Variants in SYT1 observed in about 807,000 individuals in gnomAD.
The protein encoded by SYT1 is synaptotagmin-1.
Under a neutral mutation model 44.8 loss-of-function variants are expected in SYT1, and 8 were observed. The observed-to-expected ratio is 0.18, with a 90% CI of 0.10 to 0.32. The LOEUF (loss-of-function observed/expected upper bound fraction) is 0.32, where lower values mean the gene tolerates loss of function less well. Ranked by LOEUF, SYT1 falls within the 10% of genes least tolerant of loss-of-function variation. The probability of loss-of-function intolerance (pLI) is 1.00; values close to 1 mark genes in which losing one functional copy is unlikely to be tolerated. For synonymous variants in SYT1, 154 were observed against 188.8 expected (o/e 0.82, Z 1.51); for missense variants, 286 against 509.3 (o/e 0.56, Z 4.22).
intron 2 of SYT1, among the ~76,000 whole-genome samples, chr12:78,986,659 C>A (rs1227443726): frequency 2.6e-5 from 4 of 151,960 alleles, no homozygotes; most frequent in Non-Finnish European, 5.9e-5. Flanking sequence ...AAAGGCTTTT[C>A]ATTCATGTCC....
In SYT1 at chr12:79,024,930, T is replaced by C. The variant is rs1454613986; in HGVS notation, c.-83-22367T>C. Reference sequence around the variant, plus strand: ...TTTTAAATATTTTCAGGATAGCAGGTACTTTATGCTGCATTTATTGTGACC... The same window carrying C: ...TTTTAAATATTTTCAGGATAGCAGGCACTTTATGCTGCATTTATTGTGACC... On this transcript the variant is annotated intron_variant, in intron 2 of 10. Coordinates refer to ENST00000261205, the MANE Select transcript of SYT1 (RefSeq NM_005639.3). 2.6e-5 allele frequency among the ~76,000 whole-genome samples: 4 copies of C among 151,818 alleles called. No homozygotes were observed. The East Asian group carries it at 7.8e-4, about 29-fold the overall frequency.
At chr12:78,866,385 T>C (rs1380293978) in intron 1 of SYT1, among the ~76,000 whole-genome samples, 7 of 152,184 alleles carry the variant, frequency 4.6e-5, no homozygotes, top group Admixed American at 4.6e-4. Context: ...TAGAAAGTAA[T>C]GCTAGAAAGA....
chr12:79,090,441 T>A (rs183339214), intron 3 of SYT1, among the ~76,000 whole-genome samples: 196 of 152,096 alleles, frequency 1.3e-3, no homozygotes, highest in African/African-American at 4.5e-3. Flanking sequence ...TCAAAACACC[T>A]CTCACACTTT....
chr12:79,158,610 A>G (rs1311413975), intron 3 of SYT1, among the ~76,000 whole-genome samples: 1 of 152,006 alleles, frequency 6.6e-6, no homozygotes, highest in Non-Finnish European at 1.5e-5. Context: ...ATAATAGATG[A>G]TAAAAGGCCA....
At chr12:79,168,634 TC>T (rs1871344239) in intron 3 of SYT1, among the ~76,000 whole-genome samples, 2 of 152,058 alleles carry the variant, frequency 1.3e-5, no homozygotes, top group African/African-American at 4.8e-5. Context: ...GAGGTCTTTT[TC>T]ATGAAATGTT....
At chr12:79,015,278 A>C (rs1871731624) in intron 2 of SYT1, among the ~76,000 whole-genome samples, 1 of 152,180 alleles carries the variant, frequency 6.6e-6, no homozygotes. Context: ...GTAAGTTAAA[A>C]GTTTCAAAGC....
chr12:79,364,272 T>C (rs1883447936), intron 9 of SYT1, among the ~76,000 whole-genome samples: 1 of 144,420 alleles, frequency 6.9e-6, no homozygotes, highest in African/African-American at 2.6e-5. Context: ...AAACAGACTA[T>C]CTCCAAGAGA....
intron 9 of SYT1, among the ~76,000 whole-genome samples, chr12:79,371,064 T>G (rs982274021): frequency 6.6e-6 from 1 of 152,230 alleles, no homozygotes; most frequent in Non-Finnish European, 1.5e-5. Flanking sequence ...ATCTAGTCAG[T>G]GCTTTCTCTG....
Position 79,228,863 on chromosome 12 carries a change from A to G in SYT1, c.166+11178A>G, listed in dbSNP as rs74107367. ...TTCCCCTTCCCCAGTACCCTAATAC[A>G]TTGTTGGGGTTTTTTTTGCCATTCA... On this transcript the variant is annotated intron_variant, in intron 4 of 10. Transcript: ENST00000261205. Among the ~76,000 whole-genome samples, 254 of 152,056 alleles carry G rather than the reference A, an allele frequency of 1.7e-3. 1 individual carries two copies. Among genetic ancestry groups the G allele is most frequent in the African/African-American group, 6.0e-3 (247 of 41,464 alleles).
chr12:78,982,757 T>G (rs1869357868), intron 2 of SYT1, among the ~76,000 whole-genome samples: 1 of 152,184 alleles, frequency 6.6e-6, no homozygotes, highest in Non-Finnish European at 1.5e-5. Context: ...TATATCATAG[T>G]TATACTCACA....
chr12:78,910,424 G>T (rs1017205673), intron 1 of SYT1, among the ~76,000 whole-genome samples: 5 of 151,790 alleles, frequency 3.3e-5, no homozygotes, highest in African/African-American at 1.2e-4. Context: ...TAGACTCTAG[G>T]ACTCAAATAA....
At chr12:79,154,792 A>G (rs1870493934) in intron 3 of SYT1, among the ~76,000 whole-genome samples, 2 of 152,174 alleles carry the variant, frequency 1.3e-5, no homozygotes, top group South Asian at 2.1e-4. Flanking sequence ...AGGGAAAAGC[A>G]TATGGACTTG....
intron 4 of SYT1, among the ~76,000 whole-genome samples, chr12:79,249,614 G>C (rs1394359503): frequency 6.6e-6 from 1 of 152,164 alleles, no homozygotes; most frequent in Non-Finnish European, 1.5e-5. Context: ...CCAGAAGTTA[G>C]TGCTAAGTAC....
At chr12:79,201,916 T>C (rs542939115) in intron 3 of SYT1, among the ~76,000 whole-genome samples, 155 of 152,300 alleles carry the variant, frequency 1.0e-3, no homozygotes, top group Non-Finnish European at 1.3e-3. Flanking sequence ...AATGTCATAA[T>C]ATCAAATTAT....
chr12:79,103,890 C>T (rs976275720), intron 3 of SYT1, among the ~76,000 whole-genome samples: 2 of 152,104 alleles, frequency 1.3e-5, no homozygotes, highest in African/African-American at 4.8e-5. Flanking sequence ...ACCAGCAGTG[C>T]AACCTTACCC....
chr12:79,324,266 A>C (rs1408777759), intron 8 of SYT1, among the ~76,000 whole-genome samples: 1 of 152,136 alleles, frequency 6.6e-6, no homozygotes, highest in Non-Finnish European at 1.5e-5. Flanking sequence ...CATTTTCAAT[A>C]TACAAAAATA....
chr12:78,960,842 A>G, intron 1 of SYT1: 1 of 152,174 alleles, frequency 6.6e-6, no homozygotes, highest in East Asian at 1.9e-4. Context: ...TTGAATTGCA[A>G]GAATGTCTAT....
chr12:79,369,456 G>A (rs1470088657), intron 9 of SYT1, among the ~76,000 whole-genome samples: 1 of 152,160 alleles, frequency 6.6e-6, no homozygotes, highest in African/African-American at 2.4e-5. Context: ...GGGTGACAAA[G>A]CGAGACTCTG....
chr12:79,285,635 C>A, intron 4 of SYT1, 152 bp from the exon 5 acceptor site: 1 of 562,646 alleles, frequency 1.8e-6, no homozygotes, highest in Non-Finnish European at 3.0e-6. Context: ...GAGACAACAA[C>A]ATGGATAAAG....
Sources: gnomAD v4.1 joint callset for allele counts (sites outside exome capture counted in the v4.1 genomes callset) on GRCh38, gnomAD v4.1.1 for gene constraint, MANE v1.5 for transcripts, NCBI Gene and HGNC (gene_info 2026-07-23, HGNC 2026-07-21) for gene names.